PTGER3: variants seen among roughly 807,000 people sequenced by gnomAD.
The protein encoded by PTGER3 is prostaglandin E2 receptor EP3 subtype.
In PTGER3, 22 loss-of-function variants were observed where a neutral mutation model predicts 34.7. The observed-to-expected ratio is 0.63, with a 90% CI of 0.45 to 0.91. PTGER3 has a LOEUF of 0.91. PTGER3 is among the 40% of genes least tolerant of loss of function. PTGER3 has a pLI of 0.00. For synonymous variants in PTGER3, 241 were observed against 230.1 expected (o/e 1.05, Z -0.43); for missense variants, 468 against 519.4 (o/e 0.90, Z 0.96).
rs139874129 is a variant in PTGER3 at position 70,981,946 on chromosome 1, C to A, written c.1078-7558G>T. On this transcript the variant is annotated intron_variant, in intron 2 of 3. Transcript: ENST00000306666. ...GTTATCCTCACTCAGAATGGGCTCC[C>A]ATTCTTTTTGACATATGCACAGACT... Among the ~76,000 whole-genome samples the A allele has an allele frequency of 4.1e-4, 62 of 152,190 alleles. 1 individual carries two copies. Among genetic ancestry groups the A allele is most frequent in the African/African-American group, 1.4e-3 (58 of 41,502 alleles).
At chr1:70,863,985 A>T (rs1233907068) in intron 4 of PTGER3, among the ~76,000 whole-genome samples, 1 of 152,170 alleles carries the variant, frequency 6.6e-6, no homozygotes, top group East Asian at 1.9e-4. Flanking sequence ...AATCTACATG[A>T]TGGAAAGTTT....
At chr1:70,939,059 G>A (rs1021958160) in intron 4 of PTGER3, among the ~76,000 whole-genome samples, 3 of 152,142 alleles carry the variant, frequency 2.0e-5, no homozygotes, top group East Asian at 1.9e-4. Flanking sequence ...AAGGCAACTA[G>A]TTACTTCCTA....
chr1:71,047,093 G>A lies in PTGER3; in HGVS notation c.485C>T (p.Pro162Leu). ...CTTCATGTGGCTCGCATACCAGTGC[G>A]GCGCCCTGATGGCCAGCGCCCGCTC... is the stretch of plus-strand genomic sequence containing the variant. Reference protein sequence around the residue: ...AVERALAIRAPHWYASHMKTR... With the variant: ...AVERALAIRALHWYASHMKTR... The change falls in exon 1 of 4, where the codon CCG (proline) becomes CTG (leucine). Residue 162 changes from proline (P) to leucine (L), a missense_variant. Physicochemically the swap from Pro to Leu is moderately conservative, Grantham distance 98 (BLOSUM62 -3). Coordinates refer to ENST00000306666, the MANE Select transcript of PTGER3 (RefSeq NM_198719.2). 1 of 1,608,768 alleles carries A rather than the reference G, an allele frequency of 6.2e-7. No individual in the cohort carries two copies. Among genetic ancestry groups the A allele is most frequent in the Non-Finnish European group, 8.5e-7 (1 of 1,178,036 alleles).
chr1:71,039,188 G>C (rs527740135), intron 1 of PTGER3, among the ~76,000 whole-genome samples: 33 of 152,244 alleles, frequency 2.2e-4, no homozygotes, highest in Admixed American at 3.3e-4. Flanking sequence ...ACCTGTGACA[G>C]AGGTCTTCAG....
chr1:71,007,641 A>G, intron 2 of PTGER3: 1 of 985,380 alleles, frequency 1.0e-6, no homozygotes, highest in Non-Finnish European at 1.2e-6. Flanking sequence ...TCAAAAGTAG[A>G]ACGTTGAAGT....
intron 1 of PTGER3, among the ~76,000 whole-genome samples, chr1:71,044,724 C>G (rs549262854): frequency 1.3e-5 from 2 of 152,238 alleles, no homozygotes; most frequent in Admixed American, 1.3e-4. Context: ...CAAAAACACA[C>G]TACATGGCTT....
chr1:71,026,367 C>T (rs1297462347), intron 1 of PTGER3, among the ~76,000 whole-genome samples: 2 of 152,138 alleles, frequency 1.3e-5, no homozygotes, highest in African/African-American at 4.8e-5. Context: ...CCAGCAAGTG[C>T]CATGCGATAT....
downstream of PTGER3, among the ~76,000 whole-genome samples, chr1:70,950,571 A>C (rs918683338): frequency 2.6e-5 from 4 of 152,198 alleles, no homozygotes; most frequent in East Asian, 7.7e-4. Context: ...AAGAAAGTCA[A>C]ATATGCAAGA....
intron 4 of PTGER3, among the ~76,000 whole-genome samples, chr1:70,914,297 T>C (rs1320947430): frequency 1.3e-5 from 2 of 151,776 alleles, no homozygotes; most frequent in African/African-American, 4.8e-5. Flanking sequence ...GCAGTTGATA[T>C]CTAGTCATGA....
chr1:70,950,499 GA>G (rs779879456), downstream of PTGER3, among the ~76,000 whole-genome samples: 27 of 152,032 alleles, frequency 1.8e-4, no homozygotes, highest in Non-Finnish European at 3.2e-4. Context: ...CCTTTCACGG[GA>G]AAAAGGAGCA....
At chr1:70,916,835 A>G (rs1432750455) in intron 4 of PTGER3, among the ~76,000 whole-genome samples, 1 of 151,974 alleles carries the variant, frequency 6.6e-6, no homozygotes, top group Non-Finnish European at 1.5e-5. Context: ...TCTAAAGTAA[A>G]AGTTGAAAAT....
chr1:71,002,739 G>A (rs570330997), intron 2 of PTGER3, among the ~76,000 whole-genome samples: 52 of 152,254 alleles, frequency 3.4e-4, no homozygotes, highest in Non-Finnish European at 6.5e-4. Context: ...GTAAAAACCC[G>A]TTTTGTCCCG....
At chr1:70,958,163 G>A (rs1651550969) in intron 2 of PTGER3, among the ~76,000 whole-genome samples, 2 of 152,220 alleles carry the variant, frequency 1.3e-5, no homozygotes, top group South Asian at 4.2e-4. Context: ...ATAAACATGG[G>A]TGTGCAGATG....
chr1:70,981,993 T>G (rs1654422534), intron 2 of PTGER3, among the ~76,000 whole-genome samples: 1 of 152,100 alleles, frequency 6.6e-6, no homozygotes, highest in African/African-American at 2.4e-5. Flanking sequence ...AAGGGCAAGT[T>G]CAAATTCCAC....
At chr1:71,011,616 G>A in intron 2 of PTGER3, 1 of 984,470 alleles carries the variant, frequency 1.0e-6, no homozygotes, top group South Asian at 4.7e-5. Context: ...CAGATAAAGA[G>A]TAAACCTAAT....
At chr1:70,883,710 T>C (rs113849639) in intron 4 of PTGER3, among the ~76,000 whole-genome samples, 4 of 152,206 alleles carry the variant, frequency 2.6e-5, no homozygotes, top group Non-Finnish European at 5.9e-5. Flanking sequence ...TAAAAACATT[T>C]TAGAGTTGCG....
At chr1:71,041,868 G>A (rs1660344889) in intron 1 of PTGER3, among the ~76,000 whole-genome samples, 1 of 152,210 alleles carries the variant, frequency 6.6e-6, no homozygotes, top group South Asian at 2.1e-4. Flanking sequence ...GTCCTGCAAT[G>A]CAAGGGCAGA....
At chr1:71,002,404 A>G (rs547162864) in intron 2 of PTGER3, 1 of 152,344 alleles carries the variant, frequency 6.6e-6, no homozygotes, top group South Asian at 2.1e-4. Context: ...AATTCGACCA[A>G]GGTGTTCTGG....
intron 4 of PTGER3, among the ~76,000 whole-genome samples, chr1:70,856,231 A>G (rs1299028104): frequency 2.0e-5 from 3 of 152,132 alleles, no homozygotes; most frequent in Admixed American, 6.5e-5. Context: ...GACCTAGCCA[A>G]GATAACTCAT....
Sources: allele counts gnomAD v4.1 joint callset (sites outside exome capture counted in the v4.1 genomes callset), GRCh38; gene constraint gnomAD v4.1.1; transcripts MANE v1.5; gene names NCBI Gene and HGNC (gene_info 2026-07-23, HGNC 2026-07-21).